The following SHROOM3 variants were observed in gnomAD, a reference collection of about 807,000 sequenced individuals.
SHROOM3 encodes protein Shroom3.
SHROOM3 carries 47 observed loss-of-function variants against 138.6 expected under a neutral mutation model. That is an observed-to-expected ratio of 0.34 (90% CI 0.27 to 0.43). SHROOM3 has a LOEUF of 0.43. Among genes scored for constraint, SHROOM3 ranks in the 20% least tolerant of loss-of-function variants. The pLI is 1.00. For missense variants in SHROOM3, 2,491 were observed against 2,596.5 expected (o/e 0.96, Z 0.88); for synonymous variants, 1,062 against 1,063.3 (o/e 1.00, Z 0.02).
chr4:76,578,324 T>G (rs978499693), intron 2 of SHROOM3, among the ~76,000 whole-genome samples: 1 of 151,878 alleles, frequency 6.6e-6, no homozygotes, highest in Non-Finnish European at 1.5e-5. Flanking sequence ...TCTCAGGGGG[T>G]TTTTGTGGTA....
rs750890330 is a variant in SHROOM3 at position 76,740,315 on chromosome 4, C to T, written c.2142C>T (p.Ser714=). ...GGAAAGCCGCTCCTGACCTCGGGAG[C>T]CATCTGGACCGGCAGGTTTCCTACC... The part of the protein sequence containing the change: ...PGRKAAPDLG[S]HLDRQVSYPR... The change falls in exon 5 of 11, where the codon AGC becomes AGT. Residue 714 remains serine, a synonymous_variant. Coordinates refer to ENST00000296043, the MANE Select transcript of SHROOM3 (RefSeq NM_020859.4). This position sits in a 1 kb window ranked among gnomAD's most constrained non-coding sequence, Gnocchi z 4.0. 14 of 1,613,018 alleles carry T rather than the reference C, an allele frequency of 8.7e-6. No individual in the cohort carries two copies. The highest frequency in any genetic ancestry group is 1.7e-5 in the Admixed American group (1 of 60,018).
At chr4:76,482,161 C>T (rs1731627768) in intron 1 of SHROOM3, among the ~76,000 whole-genome samples, 1 of 152,110 alleles carries the variant, frequency 6.6e-6, no homozygotes, top group African/African-American at 2.4e-5. Context: ...CCAGGGCAAT[C>T]AGGCAAGAGA....
At chr4:76,520,369 G>A (rs540006392) in intron 1 of SHROOM3, among the ~76,000 whole-genome samples, 2 of 152,108 alleles carry the variant, frequency 1.3e-5, no homozygotes, top group South Asian at 2.1e-4. Flanking sequence ...AACAACACTA[G>A]TAATAACAAT....
chr4:76,553,659 T>C (rs1394284780), intron 1 of SHROOM3, among the ~76,000 whole-genome samples: 2 of 151,904 alleles, frequency 1.3e-5, no homozygotes, highest in African/African-American at 2.4e-5. Context: ...CCCGTCTAAT[T>C]TTTGTATTTT....
At chr4:76,568,119 G>C (rs968001226) in intron 2 of SHROOM3, among the ~76,000 whole-genome samples, 1 of 152,056 alleles carries the variant, frequency 6.6e-6, no homozygotes, top group Non-Finnish European at 1.5e-5. Flanking sequence ...GATTTTGTTC[G>C]GTGTGGTATC....
At chr4:76,655,284 C>T (rs897400108) in intron 2 of SHROOM3, among the ~76,000 whole-genome samples, 2 of 152,124 alleles carry the variant, frequency 1.3e-5, no homozygotes, top group Non-Finnish European at 2.9e-5. Context: ...CATTGTTCTG[C>T]CTCTTTGTTT....
chr4:76,601,433 C>T (rs1734503147), intron 2 of SHROOM3, among the ~76,000 whole-genome samples: 1 of 152,178 alleles, frequency 6.6e-6, no homozygotes, highest in African/African-American at 2.4e-5. Context: ...GAGCTTCTAC[C>T]ACTGGACTGT....
At chr4:76,700,949 T>C (rs190401516) in intron 2 of SHROOM3, among the ~76,000 whole-genome samples, 1 of 152,068 alleles carries the variant, frequency 6.6e-6, no homozygotes, top group East Asian at 1.9e-4. Flanking sequence ...CACAACCAGC[T>C]AGTTTTTGTA....
At chr4:76,479,864 A>C (rs1268389404) in intron 1 of SHROOM3, among the ~76,000 whole-genome samples, 1 of 152,192 alleles carries the variant, frequency 6.6e-6, no homozygotes, top group African/African-American at 2.4e-5. Flanking sequence ...AGAATTTCAT[A>C]TCCAGCCAAA....
chr4:76,518,642 C>T (rs1374650149), intron 1 of SHROOM3, among the ~76,000 whole-genome samples: 1 of 151,988 alleles, frequency 6.6e-6, no homozygotes, highest in Non-Finnish European at 1.5e-5. Flanking sequence ...AATGGCTGTT[C>T]ACATTTGGTA....
intron 2 of SHROOM3, among the ~76,000 whole-genome samples, chr4:76,633,486 C>T (rs865944370): frequency 1.3e-5 from 2 of 151,552 alleles, no homozygotes; most frequent in African/African-American, 4.8e-5. Context: ...GAAAGCCCGT[C>T]TCTATTAAAA....
intron 1 of SHROOM3, among the ~76,000 whole-genome samples, chr4:76,490,279 G>A (rs1362936002): frequency 6.6e-6 from 1 of 152,158 alleles, no homozygotes; most frequent in African/African-American, 2.4e-5. Context: ...ACCATTCAGA[G>A]GCTGGAGTGG....
chr4:76,481,720 A>G (rs1469281901), intron 1 of SHROOM3, among the ~76,000 whole-genome samples: 1 of 152,222 alleles, frequency 6.6e-6, no homozygotes, highest in African/African-American at 2.4e-5. Flanking sequence ...TTTCAGGCCA[A>G]TATCCCTGAT....
chr4:76,641,008 T>A (rs1735651746), intron 2 of SHROOM3, among the ~76,000 whole-genome samples: 1 of 152,218 alleles, frequency 6.6e-6, no homozygotes, highest in East Asian at 1.9e-4. Flanking sequence ...TCCAGGAATG[T>A]AGGGAATATG....
At chr4:76,570,580 G>T (rs182236096) in intron 2 of SHROOM3, among the ~76,000 whole-genome samples, 3 of 152,276 alleles carry the variant, frequency 2.0e-5, no homozygotes, top group Admixed American at 6.5e-5. Context: ...ATATAAACAT[G>T]AGCTCATGTT....
intron 2 of SHROOM3, among the ~76,000 whole-genome samples, chr4:76,660,571 A>G (rs1262944982): frequency 6.6e-6 from 1 of 152,092 alleles, no homozygotes; most frequent in African/African-American, 2.4e-5. Flanking sequence ...CGCCTCCCAG[A>G]TTCAAATGAT....
At chr4:76,527,189 A>T (rs1579213620) in intron 1 of SHROOM3, among the ~76,000 whole-genome samples, 1 of 152,286 alleles carries the variant, frequency 6.6e-6, no homozygotes, top group Non-Finnish European at 1.5e-5. Context: ...AGGGAAGATA[A>T]ATATGAAATA....
intron 2 of SHROOM3, among the ~76,000 whole-genome samples, chr4:76,579,148 C>T (rs1156427847): frequency 1.3e-5 from 2 of 152,170 alleles, no homozygotes; most frequent in African/African-American, 2.4e-5. Context: ...CACTGCTCTC[C>T]AGCCTGGGCG....
intron 2 of SHROOM3, among the ~76,000 whole-genome samples, chr4:76,653,635 A>C (rs1736006951): frequency 6.6e-6 from 1 of 152,046 alleles, no homozygotes. Context: ...GCACCATCTC[A>C]GCTCACTGCA....
Sources: allele counts gnomAD v4.1 joint callset (sites outside exome capture counted in the v4.1 genomes callset), GRCh38; gene constraint gnomAD v4.1.1; non-coding constraint Gnocchi (gnomAD v3.1); transcripts MANE v1.5; gene names NCBI Gene and HGNC (gene_info 2026-07-23, HGNC 2026-07-21).